Variants in CCDC171 observed in about 807,000 individuals in gnomAD.
CCDC171 encodes coiled-coil domain-containing protein 171.
In CCDC171, 177 loss-of-function variants were observed where a neutral mutation model predicts 168.2. The ratio of observed to expected loss-of-function variants is 1.05; its 90% CI spans 0.93 to 1.19. The LOEUF (loss-of-function observed/expected upper bound fraction) is 1.19, where lower values mean the gene tolerates loss of function less well. Ranked by LOEUF, CCDC171 falls within the 50% of genes most tolerant of loss-of-function variation. CCDC171 has a pLI of 0.00. For synonymous variants in CCDC171, 687 were observed against 540.8 expected, an observed-to-expected ratio of 1.27 and a Z score of -3.75; for missense variants, 1,991 against 1,539.0, an observed-to-expected ratio of 1.29 and a Z score of -4.91.
intron 1 of CCDC171, among the ~76,000 whole-genome samples, chr9:15,557,096 CTA>C: frequency 6.6e-6 from 1 of 152,230 alleles, no homozygotes; most frequent in African/African-American, 2.4e-5. Flanking sequence ...TTCCATTGGT[CTA>C]TATATCTGTT....
intron 7 of CCDC171, among the ~76,000 whole-genome samples, chr9:15,643,192 C>A (rs567344496): frequency 6.6e-6 from 1 of 151,998 alleles, no homozygotes; most frequent in East Asian, 1.9e-4. Context: ...ATTCTCAATC[C>A]TATGGGCTAT....
At chr9:15,598,454 C>T (rs373913200) in intron 6 of CCDC171, among the ~76,000 whole-genome samples, 14 of 151,898 alleles carry the variant, frequency 9.2e-5, no homozygotes, top group South Asian at 2.1e-4. Flanking sequence ...TGTAGTTGAG[C>T]GGTTTTGAGT....
intron 3 of CCDC171, among the ~76,000 whole-genome samples, chr9:15,577,926 C>T (rs754895461): frequency 6.6e-6 from 1 of 152,186 alleles, no homozygotes; most frequent in Non-Finnish European, 1.5e-5. Flanking sequence ...ACATGTGCCT[C>T]TCATTGATCA....
Position 15,724,657 on chromosome 9 carries a change from C to T in CCDC171, c.1492-119C>T, listed in dbSNP as rs1030764592. Reference sequence around the variant, plus strand: ...TTTAATGTAAACAAATGCTTGCCTGCCTTTGTGATTCTTTCATTTTAAAGC... The same window carrying T: ...TTTAATGTAAACAAATGCTTGCCTGTCTTTGTGATTCTTTCATTTTAAAGC... On this transcript the variant is annotated intron_variant, in intron 13 of 25. Transcript: ENST00000380701. 8.9e-5 allele frequency: 57 copies of T among 640,542 alleles called. No homozygotes were observed. The African/African-American group carries it at 9.1e-4, about 10-fold the overall frequency. 39.7% of individuals were successfully genotyped at this position (640,542 alleles called of 1,614,324 possible). A position where few individuals can be genotyped will look rare whatever the true frequency, so the allele number is the denominator to read the frequency against.
rs537153115 is a variant in CCDC171 at position 15,631,479 on chromosome 9, T to C, written c.822+8066T>C. ...CACCCAAGACTAAACCAGGAAGAAGTTGACCTTCTGAATAGACCAATAACA... is the reference window on the plus strand; with the variant it reads ...CACCCAAGACTAAACCAGGAAGAAGCTGACCTTCTGAATAGACCAATAACA... On this transcript the variant is annotated intron_variant, in intron 7 of 25. Coordinates refer to ENST00000380701, the MANE Select transcript of CCDC171 (RefSeq NM_173550.4). 6.6e-5 allele frequency among the ~76,000 whole-genome samples: 10 copies of C among 152,222 alleles called. No homozygotes were observed. In the East Asian group the frequency reaches 1.9e-3, roughly 29 times the overall value.
At chr9:16,007,529 T>A (rs1361443026) in intron 3 of CCDC171, among the ~76,000 whole-genome samples, 2 of 152,190 alleles carry the variant, frequency 1.3e-5, no homozygotes, top group East Asian at 1.9e-4. Context: ...CTGAATGGTA[T>A]TTCATAGGTT....
chr9:16,012,558 AT>A (rs1246555294), intron 3 of CCDC171, among the ~76,000 whole-genome samples: 2 of 147,464 alleles, frequency 1.4e-5, no homozygotes, highest in African/African-American at 5.0e-5. Context: ...TTTTTTTACT[AT>A]AACCCGGATA....
chr9:15,962,769 A>G (rs9407701), intron 25 of CCDC171, among the ~76,000 whole-genome samples: 12,531 of 151,932 alleles, frequency 0.082, 719 homozygotes, highest in Non-Finnish European at 0.12. Flanking sequence ...CCAAACTCTA[A>G]TTCAGTTCTT....
intron 21 of CCDC171, among the ~76,000 whole-genome samples, chr9:15,835,241 T>C (rs973190580): frequency 2.6e-5 from 4 of 152,216 alleles, no homozygotes; most frequent in Non-Finnish European, 4.4e-5. Flanking sequence ...ATGATAGTGA[T>C]TAAATTTAGT....
intron 25 of CCDC171, among the ~76,000 whole-genome samples, chr9:15,966,478 A>T (rs1830799741): frequency 6.6e-6 from 1 of 152,210 alleles, no homozygotes; most frequent in Non-Finnish European, 1.5e-5. Context: ...TGATCCAATC[A>T]ATCTTCCACA....
intron 23 of CCDC171, 41 bp downstream of exon 23, chr9:15,848,988 G>A: frequency 9.8e-7 from 1 of 1,019,574 alleles, no homozygotes; most frequent in Non-Finnish European, 1.4e-6. Flanking sequence ...TTTGTGTCAT[G>A]ACACCTAGTC....
intron 24 of CCDC171, among the ~76,000 whole-genome samples, chr9:15,877,124 C>G (rs939934799): frequency 6.6e-6 from 1 of 151,980 alleles, no homozygotes; most frequent in African/African-American, 2.4e-5. Flanking sequence ...TGGAGAAAAC[C>G]TCAGTTCAAC....
At chr9:15,860,651 G>C (rs1046863433) in intron 23 of CCDC171, among the ~76,000 whole-genome samples, 1 of 151,820 alleles carries the variant, frequency 6.6e-6, no homozygotes, top group Middle Eastern at 3.2e-3. Flanking sequence ...AATCTATTAA[G>C]ACTTGTTTTG....
chr9:15,594,833 G>A (rs1330344024), intron 6 of CCDC171, among the ~76,000 whole-genome samples: 1 of 152,054 alleles, frequency 6.6e-6, no homozygotes, highest in Non-Finnish European at 1.5e-5. Flanking sequence ...ACTCAAACTA[G>A]TGTGTTGTGT....
intron 18 of CCDC171, among the ~76,000 whole-genome samples, chr9:15,747,014 A>T (rs1167876044): frequency 6.6e-6 from 1 of 152,184 alleles, no homozygotes. Flanking sequence ...ATTGGCTTGA[A>T]ATCCTTGCTG....
chr9:15,588,010 G>A (rs4448380), intron 4 of CCDC171, among the ~76,000 whole-genome samples: 54,745 of 152,058 alleles, frequency 0.36, 12,237 homozygotes, highest in East Asian at 0.62. Context: ...GCCGAGGCAG[G>A]TGGATCATGA....
intron 7 of CCDC171, among the ~76,000 whole-genome samples, chr9:15,649,552 GA>G (rs763035260): frequency 6.6e-6 from 1 of 151,964 alleles, no homozygotes; most frequent in Non-Finnish European, 1.5e-5. Flanking sequence ...AAATTTACAA[GA>G]AAAAAACAAA....
intron 3 of CCDC171, among the ~76,000 whole-genome samples, chr9:16,015,076 C>G (rs1226130102): frequency 6.6e-6 from 1 of 152,006 alleles, no homozygotes; most frequent in Non-Finnish European, 1.5e-5. Flanking sequence ...TGTAACTAAC[C>G]TACATGTTGT....
At chr9:16,096,305 A>G in the CCDC171 span, among the ~76,000 whole-genome samples, 1 of 152,308 alleles carries the variant, frequency 6.6e-6, no homozygotes, top group African/African-American at 2.4e-5. Flanking sequence ...GATTGAAAAC[A>G]CAATTTATCC....
Sources: allele counts gnomAD v4.1 joint callset (sites outside exome capture counted in the v4.1 genomes callset), GRCh38; gene constraint gnomAD v4.1.1; transcripts MANE v1.5; gene names NCBI Gene and HGNC (gene_info 2026-07-23, HGNC 2026-07-21).